Variants in NTRK3 observed in about 807,000 individuals in gnomAD.
The protein encoded by NTRK3 is NT-3 growth factor receptor.
Under a neutral mutation model 91.7 loss-of-function variants are expected in NTRK3, and 24 were observed. The observed-to-expected ratio is 0.26, with a 90% CI of 0.19 to 0.37. The LOEUF is 0.37. NTRK3 is among the 10% of genes least tolerant of loss of function. The pLI, the probability that NTRK3 is intolerant of heterozygous loss-of-function variation, is 1.00. For missense variants in NTRK3, 880 were observed against 1,068.9 expected (o/e 0.82, Z 2.46); for synonymous variants, 483 against 404.0 (o/e 1.20, Z -2.34).
intron 3 of NTRK3, among the ~76,000 whole-genome samples, chr15:88,249,940 G>C (rs541522765): frequency 2.6e-5 from 4 of 152,268 alleles, no homozygotes; most frequent in Admixed American, 1.3e-4. Context: ...GTCCCTCAAA[G>C]ATGGGTCATT....
intron 14 of NTRK3, among the ~76,000 whole-genome samples, chr15:87,993,675 AT>A (rs2075459701): frequency 6.6e-6 from 1 of 152,198 alleles, no homozygotes; most frequent in African/African-American, 2.4e-5. Flanking sequence ...AAGCATCAGC[AT>A]TTTGCAGTGC....
chr15:88,013,714 T>G (rs2141804012), intron 14 of NTRK3, among the ~76,000 whole-genome samples: 1 of 152,340 alleles, frequency 6.6e-6, no homozygotes, highest in African/African-American at 2.4e-5. Context: ...TAGCAGGGCC[T>G]GACTTGGCCA....
chr15:87,998,775 T>C (rs1299118549), intron 14 of NTRK3, among the ~76,000 whole-genome samples: 9 of 152,174 alleles, frequency 5.9e-5, no homozygotes, highest in Non-Finnish European at 1.3e-4. Flanking sequence ...ATCATGCTAA[T>C]TAAAGGCCCC....
At chr15:88,244,318 T>C (rs890948400) in intron 3 of NTRK3, among the ~76,000 whole-genome samples, 36 of 152,178 alleles carry the variant, frequency 2.4e-4, no homozygotes, top group African/African-American at 8.4e-4. Context: ...CACCATCTCA[T>C]AGCAACTCTC....
intron 17 of NTRK3, among the ~76,000 whole-genome samples, chr15:87,888,416 G>A (rs1232790541): frequency 6.6e-6 from 1 of 152,026 alleles, no homozygotes; most frequent in Admixed American, 6.6e-5. Context: ...GATCAACTCA[G>A]GCTTTAGGAT....
intron 14 of NTRK3, among the ~76,000 whole-genome samples, chr15:88,029,467 T>C (rs907885782): frequency 3.9e-5 from 6 of 152,192 alleles, no homozygotes; most frequent in African/African-American, 1.4e-4. Context: ...CCACTGTTTA[T>C]AATAAATACA....
chr15:87,937,950 G>A (rs1172224000), intron 15 of NTRK3, among the ~76,000 whole-genome samples: 1 of 151,396 alleles, frequency 6.6e-6, no homozygotes, highest in Admixed American at 6.6e-5. Flanking sequence ...CCGGGACAGA[G>A]TATGAAATGA....
intron 17 of NTRK3, among the ~76,000 whole-genome samples, chr15:87,920,367 C>T (rs917979185): frequency 1.3e-5 from 2 of 152,196 alleles, no homozygotes; most frequent in Non-Finnish European, 2.9e-5. Context: ...TATCACGACA[C>T]CCAGTCCTAC....
At chr15:88,251,600 G>A (rs942759105) in intron 3 of NTRK3, among the ~76,000 whole-genome samples, 19 of 152,262 alleles carry the variant, frequency 1.2e-4, no homozygotes, top group African/African-American at 3.1e-4. Context: ...TGGAAATGCC[G>A]TGATATTGGC....
At chr15:88,032,155 C>G (rs181429130) in intron 14 of NTRK3, among the ~76,000 whole-genome samples, 1 of 152,056 alleles carries the variant, frequency 6.6e-6, no homozygotes, top group Non-Finnish European at 1.5e-5. Flanking sequence ...GGGCACACAG[C>G]AGGAGGAACC....
At chr15:88,001,670 G>C (rs187071730) in intron 14 of NTRK3, among the ~76,000 whole-genome samples, 1 of 152,102 alleles carries the variant, frequency 6.6e-6, no homozygotes, top group Non-Finnish European at 1.5e-5. Context: ...TCTATTTCTG[G>C]ACTCTCAATT....
intron 10 of NTRK3, chr15:88,132,096 G>A (rs183478082): frequency 1.5e-4 from 27 of 184,888 alleles, no homozygotes; most frequent in Admixed American, 1.4e-3. Flanking sequence ...TTTGCCTGAC[G>A]TCACAGAGCT....
chr15:88,174,713 C>T (rs112676624), intron 5 of NTRK3, among the ~76,000 whole-genome samples: 1 of 152,180 alleles, frequency 6.6e-6, no homozygotes, highest in Admixed American at 6.5e-5. Context: ...AGGCTGTCTG[C>T]CAACCCAAGC....
chr15:87,936,416 G>A (rs962882056), intron 15 of NTRK3, among the ~76,000 whole-genome samples: 2 of 152,160 alleles, frequency 1.3e-5, no homozygotes, highest in Middle Eastern at 3.4e-3. Flanking sequence ...CAGTAAGGCT[G>A]TTTATTTGGA....
At chr15:87,937,906 A>G (rs1258534992) in intron 15 of NTRK3, among the ~76,000 whole-genome samples, 1 of 152,138 alleles carries the variant, frequency 6.6e-6, no homozygotes, top group Non-Finnish European at 1.5e-5. Flanking sequence ...AACCACATGA[A>G]GAATTCATGA....
chr15:88,130,476 A>T (rs958276791), intron 10 of NTRK3, among the ~76,000 whole-genome samples: 4 of 152,180 alleles, frequency 2.6e-5, no homozygotes, highest in Non-Finnish European at 5.9e-5. Context: ...CAAAGGGGAA[A>T]ATCATCTGTT....
chr15:87,900,863 G>A, intron 17 of NTRK3, among the ~76,000 whole-genome samples: 1 of 152,156 alleles, frequency 6.6e-6, no homozygotes, highest in East Asian at 1.9e-4. Flanking sequence ...GTGAGGGAAA[G>A]ACTTCGACTA....
At chr15:88,059,114 G>T (rs936931572) in intron 13 of NTRK3, among the ~76,000 whole-genome samples, 6 of 151,792 alleles carry the variant, frequency 4.0e-5, no homozygotes, top group Non-Finnish European at 8.8e-5. Context: ...AGCTCTCCTG[G>T]AAAAGAGAAA....
At chr15:87,983,930 C>T (rs79717587) in intron 14 of NTRK3, among the ~76,000 whole-genome samples, 2,152 of 152,210 alleles carry the variant, frequency 0.014, 30 homozygotes, top group Non-Finnish European at 0.02. Context: ...CTGGCCAACC[C>T]TGGTTTAATT....
Sources: allele counts gnomAD v4.1 joint callset (sites outside exome capture counted in the v4.1 genomes callset), GRCh38; gene constraint gnomAD v4.1.1; transcripts MANE v1.5; gene names NCBI Gene and HGNC (gene_info 2026-07-23, HGNC 2026-07-21).